Variants in ARMH3 observed in about 807,000 individuals in gnomAD.
ARMH3 encodes armadillo-like helical domain-containing protein 3.
In ARMH3, 60 loss-of-function variants were observed where a neutral mutation model predicts 99.1. The observed-to-expected ratio is 0.61, with a 90% CI of 0.49 to 0.75. The LOEUF is 0.75. Ranked by LOEUF, ARMH3 falls within the 30% of genes least tolerant of loss-of-function variation. ARMH3 has a pLI of 0.00. For missense variants in ARMH3, 679 were observed against 843.1 expected, an observed-to-expected ratio of 0.81 and a Z score of 2.41; for synonymous variants, 285 against 292.8, an observed-to-expected ratio of 0.97 and a Z score of 0.27.
intron 15 of ARMH3, among the ~76,000 whole-genome samples, chr10:101,998,463 C>T (rs1227707700): frequency 1.3e-5 from 2 of 152,158 alleles, no homozygotes; most frequent in African/African-American, 4.8e-5. Context: ...CCTGATATAG[C>T]TCTCTCTTTC....
chr10:101,916,713 G>C (rs1049219203), intron 23 of ARMH3, among the ~76,000 whole-genome samples: 5 of 152,114 alleles, frequency 3.3e-5, no homozygotes, highest in Admixed American at 6.5e-5. Context: ...GTATTTCCAG[G>C]AGACAGATTA....
At chr10:102,034,174 T>C (rs750962155) in intron 2 of ARMH3, among the ~76,000 whole-genome samples, 31 of 152,330 alleles carry the variant, frequency 2.0e-4, no homozygotes, top group Non-Finnish European at 3.7e-4. Context: ...TTGCCCTCCA[T>C]ATGCATTTAG....
chr10:101,983,772 C>T (rs916326262), intron 19 of ARMH3, among the ~76,000 whole-genome samples: 12 of 152,194 alleles, frequency 7.9e-5, no homozygotes, highest in Non-Finnish European at 1.3e-4. Flanking sequence ...ATCTCTTCAT[C>T]TGACTGTTTA....
intron 18 of ARMH3, among the ~76,000 whole-genome samples, chr10:101,991,549 T>G (rs1846795720): frequency 6.6e-6 from 1 of 152,146 alleles, no homozygotes; most frequent in African/African-American, 2.4e-5. Flanking sequence ...ACCAGCTAAT[T>G]TTTGTATTTT....
At chr10:102,012,554 A>T (rs1438349596) in intron 10 of ARMH3, among the ~76,000 whole-genome samples, 2 of 152,232 alleles carry the variant, frequency 1.3e-5, no homozygotes, top group Non-Finnish European at 1.5e-5. Flanking sequence ...TGGCTGGAAG[A>T]CTAGTTAAAA....
chr10:102,052,313 T>A (rs1485583337), intron 1 of ARMH3, among the ~76,000 whole-genome samples: 1 of 151,758 alleles, frequency 6.6e-6, no homozygotes, highest in Admixed American at 6.6e-5. Context: ...AGCCTCAACC[T>A]CCTGGGCTTA....
Position 101,923,832 on chromosome 10 carries a change from A to G in ARMH3, c.1781+16031T>C, listed in dbSNP as rs560629930. Among the ~76,000 whole-genome samples, 151 of 152,318 alleles carry G rather than the reference A, an allele frequency of 9.9e-4. 1 individual carries two copies. The highest frequency in any genetic ancestry group is 3.5e-3 in the African/African-American group (147 of 41,580). On this transcript the variant is annotated intron_variant, in intron 23 of 25. Transcript: ENST00000370033. ...GAAGGTTGTCATCCCTGACTTTTCC[A>G]TAAAAGAGTCTTATTTTTCTAGTCT...
In ARMH3 at chr10:102,014,009, T is replaced by C. The variant is rs368650505; in HGVS notation, c.685A>G (p.Ile229Val). 4.3e-6 allele frequency: 7 copies of C among 1,611,404 alleles called. No homozygotes were observed. Among genetic ancestry groups the C allele is most frequent in the Middle Eastern group, 1.7e-4 (1 of 6,044 alleles). The change falls in exon 9 of 26, where the codon ATT (isoleucine) becomes GTT (valine). Residue 229 changes from isoleucine (I) to valine (V), a missense_variant. Around this residue, in one of 3 missense-constraint regions of ARMH3, gnomAD observed 280 missense variants for 354.6 expected, o/e 0.79. Transcript: ENST00000370033. ...YRKYESVNPY[I>V]VKLSIVDDEA... The stretch of plus-strand genomic sequence containing the variant: ...TCATCCACGATAGACAGCTTCACAA[T>C]ATAAGGATTCACAGACTGTTAAATA...
At chr10:101,916,639 T>C (rs1020786449) in intron 23 of ARMH3, among the ~76,000 whole-genome samples, 2 of 152,202 alleles carry the variant, frequency 1.3e-5, no homozygotes, top group Non-Finnish European at 2.9e-5. Context: ...AATTTTATTA[T>C]CAACTTGACT....
chr10:101,975,221 G>A lies in ARMH3; in HGVS notation c.1486C>T (p.Leu496Phe). The change falls in exon 20 of 26, where the codon CTC becomes TTC. Residue 496 changes from leucine (L) to phenylalanine (F), a missense_variant. Physicochemically the swap from Leu to Phe is conservative, Grantham distance 22. Transcript: ENST00000370033. ...RVRLHYTWRE[L>F]WSALINLLKF... ...CAAGAGAGAAAGTTACCTGACCAGAGCTCCCGCCAGGTGTAATGCAGGCGT... is the reference window on the plus strand; with the variant it reads ...CAAGAGAGAAAGTTACCTGACCAGAACTCCCGCCAGGTGTAATGCAGGCGT... 2 of 1,612,012 alleles carry A rather than the reference G, an allele frequency of 1.2e-6. No homozygotes were observed. The highest frequency in any genetic ancestry group is 2.7e-5 in the African/African-American group (2 of 74,948).
intron 2 of ARMH3, 87 bp downstream of exon 2, chr10:102,039,926 A>AG: frequency 7.9e-7 from 1 of 1,258,996 alleles, no homozygotes; most frequent in Non-Finnish European, 1.2e-6. Flanking sequence ...AGGAACCTGA[A>AG]GGTAGCAGGC....
intron 14 of ARMH3, among the ~76,000 whole-genome samples, chr10:102,004,950 A>G (rs1405482253): frequency 6.6e-6 from 1 of 152,102 alleles, no homozygotes; most frequent in African/African-American, 2.4e-5. Context: ...CACGCCTGTA[A>G]TCCCAGCACT....
In ARMH3 at chr10:102,040,121, A is replaced by G; in HGVS notation, c.-7T>C. 1 of 1,612,394 alleles carries G rather than the reference A, an allele frequency of 6.2e-7. No homozygotes were observed. Among genetic ancestry groups the G allele is most frequent in the Non-Finnish European group, 8.5e-7 (1 of 1,178,366 alleles). Reference sequence around the variant, plus strand: ...GTTTCTCTACCTGTGCCATGGTTAGAGAATCTGTGAACAGAAAGTCACATT... The same window carrying G: ...GTTTCTCTACCTGTGCCATGGTTAGGGAATCTGTGAACAGAAAGTCACATT... On this transcript the variant is annotated 5_prime_UTR_variant, in exon 2 of 26. Transcript: ENST00000370033.
At chr10:101,917,917 C>A (rs1843149567) in intron 23 of ARMH3, among the ~76,000 whole-genome samples, 1 of 152,172 alleles carries the variant, frequency 6.6e-6, no homozygotes, top group African/African-American at 2.4e-5. Flanking sequence ...ACCACCCCAG[C>A]CCCCACACTG....
chr10:101,898,949 A>C (rs539510160), intron 23 of ARMH3, among the ~76,000 whole-genome samples: 1 of 152,354 alleles, frequency 6.6e-6, no homozygotes, highest in East Asian at 1.9e-4. Flanking sequence ...TATCACCACT[A>C]AAAAGCCTAA....
In ARMH3 at chr10:101,933,647, T is replaced by C. The variant is rs187903913; in HGVS notation, c.1781+6216A>G. ...GCTTCATTTTGGTGCTTTGTTTTAA[T>C]CTGCATAATGCTTTTCATTTTCTCT... On this transcript the variant is annotated intron_variant, in intron 23 of 25. Transcript: ENST00000370033. 1.5e-3 allele frequency among the ~76,000 whole-genome samples: 232 copies of C among 152,340 alleles called. 6 individuals are homozygous for C. The highest frequency in any genetic ancestry group is 0.013 in the Admixed American group (206 of 15,306).
intron 22 of ARMH3, 72 bp from the exon 23 acceptor site, chr10:101,940,010 A>G: frequency 8.3e-7 from 1 of 1,207,286 alleles, no homozygotes; most frequent in Non-Finnish European, 1.2e-6. Context: ...ATGAAGACAC[A>G]TCTCAGAATA....
chr10:101,954,947 CTT>C (rs1564790233), intron 22 of ARMH3, among the ~76,000 whole-genome samples: 1 of 152,124 alleles, frequency 6.6e-6, no homozygotes, highest in African/African-American at 2.4e-5. Flanking sequence ...GTATGTCAGA[CTT>C]TTATAAAATA....
chr10:102,015,132 C>T (rs1317996591), intron 8 of ARMH3, among the ~76,000 whole-genome samples: 1 of 152,140 alleles, frequency 6.6e-6, no homozygotes, highest in Non-Finnish European at 1.5e-5. Flanking sequence ...GGGTAAAACC[C>T]ACTCCATTTG....
Sources: allele counts gnomAD v4.1 joint callset (sites outside exome capture counted in the v4.1 genomes callset), GRCh38; gene constraint gnomAD v4.1.1; regional missense constraint gnomAD v4.1.1; transcripts MANE v1.5; gene names NCBI Gene and HGNC (gene_info 2026-07-23, HGNC 2026-07-21).